YLPM1: variants seen among roughly 807,000 people sequenced by gnomAD.
YLPM1 encodes YLP motif-containing protein 1.
YLPM1 carries 99 observed loss-of-function variants against 230.0 expected under a neutral mutation model. The ratio of observed to expected loss-of-function variants is 0.43; its 90% confidence interval spans 0.37 to 0.51. The LOEUF is 0.51. YLPM1 is among the 20% of genes least tolerant of loss of function. The pLI is 0.00. For missense variants in YLPM1, 2,592 were observed against 2,707.7 expected (o/e 0.96, Z 0.95); for synonymous variants, 984 against 942.5 (o/e 1.04, Z -0.81).
chr14:74,820,499 CA>C (rs2091512525), intron 16 of YLPM1, among the ~76,000 whole-genome samples: 1 of 152,096 alleles, frequency 6.6e-6, no homozygotes, highest in Non-Finnish European at 1.5e-5. Context: ...CCTCCTGCCC[CA>C]ACCTCACAAA....
At chr14:74,779,658 T>C (rs1049515252) in intron 2 of YLPM1, among the ~76,000 whole-genome samples, 45 of 131,694 alleles carry the variant, frequency 3.4e-4, no homozygotes, top group South Asian at 4.9e-4. Context: ...TTTTTTTTTT[T>C]CCAGACAGGG....
In YLPM1 at chr14:74,810,561, A is replaced by G. The variant is rs1290800690; in HGVS notation, c.5228+141A>G. 3 of 845,372 alleles carry G rather than the reference A, an allele frequency of 3.5e-6. No individual in the cohort carries two copies. In the African/African-American group the frequency reaches 5.1e-5, roughly 14 times the overall value. The allele number at this position is 845,372 out of a possible 1,614,324, so 52.4% of individuals were successfully genotyped here. A position where few individuals can be genotyped will look rare whatever the true frequency, so the allele number is the denominator to read the frequency against. ...GGAGGGGGAAGAACAATTCTGGACC[A>G]GTTTTCAGGAAAGTAGGTCCTTGAC... On this transcript the variant is annotated intron_variant, in intron 9 of 20. Transcript: ENST00000325680.
At chr14:74,808,600 C>A (rs772606387) in intron 6 of YLPM1, among the ~76,000 whole-genome samples, 22 of 152,042 alleles carry the variant, frequency 1.4e-4, no homozygotes, top group Non-Finnish European at 2.6e-4. Context: ...GTCAGGAGTT[C>A]GAGACCAGCC....
chr14:74,772,107 ACACT>A (rs2090982262), intron 1 of YLPM1, among the ~76,000 whole-genome samples: 2 of 152,094 alleles, frequency 1.3e-5, no homozygotes, highest in South Asian at 4.1e-4. Flanking sequence ...TTACACACAA[ACACT>A]CACCTCCTTT....
At chr14:74,786,038 G>A (rs1479146015) in intron 4 of YLPM1, among the ~76,000 whole-genome samples, 1 of 151,912 alleles carries the variant, frequency 6.6e-6, no homozygotes, top group Admixed American at 6.6e-5. Flanking sequence ...ACAATTTTAA[G>A]TGTTCAGCTT....
Position 74,763,386 on chromosome 14 carries a change from G to A in YLPM1, c.-104G>A. ...GCTCCGTTTACACGCTCCGGGGCCTGTAGGCGCCGCGAGTTCCGGCTGTCG... is the reference window on the plus strand; with the variant it reads ...GCTCCGTTTACACGCTCCGGGGCCTATAGGCGCCGCGAGTTCCGGCTGTCG... On this transcript the variant is annotated 5_prime_UTR_variant, in exon 1 of 21. Transcript: ENST00000325680. 7.4e-7 allele frequency: 1 copy of A among 1,351,878 alleles called. No homozygotes were observed. Among genetic ancestry groups the A allele is most frequent in the Non-Finnish European group, 9.6e-7 (1 of 1,038,176 alleles). The allele number at this position is 1,351,878 out of a possible 1,614,324, so 83.7% of individuals were successfully genotyped here.
At position 74,763,959 on chromosome 14, in the gene YLPM1, A is replaced by G. The variant is rs199939020; in HGVS notation, c.470A>G (p.Tyr157Cys). The change falls in exon 1 of 21, where the codon TAT becomes TGT. Residue 157 changes from tyrosine (Y) to cysteine (C), a missense_variant. This residue lies in a region of YLPM1 where 1,862 missense variants were observed against 1,819.8 expected (regional missense o/e 1.02). Coordinates refer to ENST00000325680, the MANE Select transcript of YLPM1 (RefSeq NM_019589.3). ...TCTCCCCCTGTGCCGCCTGGGTCCT[A>G]TATGCCCCCATCTCAGTCTTACATG... ...PESPPVPPGS[Y>C]MPPSQSYMPP... 6.4e-4 allele frequency: 800 copies of G among 1,240,514 alleles called. 1 individual carries two copies. The highest frequency in any genetic ancestry group is 7.8e-4 in the Non-Finnish European group (747 of 956,428). The allele number at this position is 1,240,514 out of a possible 1,614,324, so 76.8% of individuals were successfully genotyped here.
At chr14:74,772,653 A>G (rs569865251) in intron 1 of YLPM1, among the ~76,000 whole-genome samples, 1 of 152,118 alleles carries the variant, frequency 6.6e-6, no homozygotes, top group East Asian at 1.9e-4. Context: ...CACCGCACCC[A>G]GCCAATAGTT....
Position 74,780,548 on chromosome 14 carries a change from G to C in YLPM1, c.1254G>C (p.Gln418His). Residue 418 changes from glutamine (Q) to histidine (H), a missense_variant, in exon 3 of 21, where the codon CAG (glutamine) becomes CAC (histidine). Physicochemically the swap from Gln to His is conservative, Grantham distance 24 (BLOSUM62 0). Transcript: ENST00000325680. ...CTCAGTTACAGCAGATTCTACAACA[G>C]TATCAGCAGATTATACAGCCCCCAC... ...KHTQLQQILQ[Q>H]YQQIIQPPPH... 1 of 1,613,896 alleles carries C rather than the reference G, an allele frequency of 6.2e-7. No homozygotes were observed.
At position 74,763,886 on chromosome 14, in the gene YLPM1, G is replaced by C; in HGVS notation, c.397G>C (p.Asp133His). ...YKHQMLHHQR[D>H]GPPGLVPMEL... ...ACACCAGATGCTCCACCACCAACGA[G>C]ACGGGCCTCCTGGTTTGGTTCCAAT... The change falls in exon 1 of 21, where the codon GAC becomes CAC. Residue 133 changes from aspartate to histidine, a missense_variant. Asp to His is a moderately conservative substitution (Grantham distance 81). This residue lies in a region of YLPM1 where 1,862 missense variants were observed against 1,819.8 expected (regional missense o/e 1.02). Coordinates refer to ENST00000325680, the MANE Select transcript of YLPM1 (RefSeq NM_019589.3). 6.4e-7 allele frequency: 1 copy of C among 1,551,480 alleles called. No homozygotes were observed.
chr14:74,777,673 G>A (rs2091055553), intron 1 of YLPM1, among the ~76,000 whole-genome samples: 2 of 150,858 alleles, frequency 1.3e-5, no homozygotes, highest in African/African-American at 4.9e-5. Flanking sequence ...TGCTACAACA[G>A]GTGTTTCAAA....
In YLPM1 at chr14:74,806,271, C is replaced by T. The variant is rs189766204; in HGVS notation, c.4522-3109C>T. Among the ~76,000 whole-genome samples the T allele has an allele frequency of 1.1e-3, 160 of 151,794 alleles. 2 individuals carry two copies. Among genetic ancestry groups the T allele is most frequent in the Non-Finnish European group, 1.5e-4 (10 of 67,874 alleles). On this transcript the variant is annotated intron_variant, in intron 6 of 20. Coordinates refer to ENST00000325680, the MANE Select transcript of YLPM1 (RefSeq NM_019589.3). ...ACAGGTGAGGCTGAGGCAGGAGAAT[C>T]GCTTGAACCTGGGAGGCAGAGGTTG...
intron 6 of YLPM1, among the ~76,000 whole-genome samples, chr14:74,803,750 A>C (rs1481356940): frequency 6.6e-6 from 1 of 152,072 alleles, no homozygotes; most frequent in African/African-American, 2.4e-5. Context: ...CATCTTGCTG[A>C]TTTGTCCTAC....
At position 74,812,741 on chromosome 14, in the gene YLPM1, G is replaced by A. The variant is rs377151950; in HGVS notation, c.5461G>A (p.Asp1821Asn). 5 of 1,613,484 alleles carry A rather than the reference G, an allele frequency of 3.1e-6. No homozygotes were observed. Among genetic ancestry groups the A allele is most frequent in the African/African-American group, 2.7e-5 (2 of 74,904 alleles). Reference sequence around the variant, plus strand: ...GAAGCCTGAATCAAAGAATGTGGACGATATTTTGAAACCACCGGGCCGGGA... The same window carrying A: ...GAAGCCTGAATCAAAGAATGTGGACAATATTTTGAAACCACCGGGCCGGGA... ...EKKPESKNVD[D>N]ILKPPGRESR... Residue 1821 changes from aspartate to asparagine, a missense_variant, in exon 11 of 21, where the codon GAT becomes AAT. Physicochemically the swap from Asp to Asn is conservative, Grantham distance 23 (BLOSUM62 1). Transcript: ENST00000325680.
At chr14:74,800,744 C>G (rs1231693958) in intron 5 of YLPM1, among the ~76,000 whole-genome samples, 1 of 152,152 alleles carries the variant, frequency 6.6e-6, no homozygotes, top group African/African-American at 2.4e-5. Flanking sequence ...CCAGATTACT[C>G]ATGAAGAAAA....
At chr14:74,802,316 A>G (rs2091335429) in intron 5 of YLPM1, among the ~76,000 whole-genome samples, 1 of 152,126 alleles carries the variant, frequency 6.6e-6, no homozygotes, top group Non-Finnish European at 1.5e-5. Context: ...GGCAGGTTGT[A>G]GAATCTATTC....
chr14:74,765,050 C>G (rs1331069593), intron 1 of YLPM1, among the ~76,000 whole-genome samples: 1 of 152,172 alleles, frequency 6.6e-6, no homozygotes, highest in African/African-American at 2.4e-5. Flanking sequence ...TTCTGCGTTT[C>G]ATTGTCATTA....
rs766026422 is a variant in YLPM1 at position 74,798,423 on chromosome 14, C to T, written c.3126C>T (p.Gly1042=). ...AAGGTCTAGTAAACAGAGGTCGCGG[C>T]CAGGCAATCAGTCGAGGCCCAGGAT... ...RDKGLVNRGR[G]QAISRGPGLV... is the part of the protein sequence containing the mutation. Residue 1042 remains glycine (G), a synonymous_variant, in exon 5 of 21, where the codon GGC becomes GGT. Coordinates refer to ENST00000325680, the MANE Select transcript of YLPM1 (RefSeq NM_019589.3). The T allele has an allele frequency of 8.1e-6, 13 of 1,613,788 alleles. No homozygotes were observed. The African/African-American group carries it at 1.7e-4, about 22-fold the overall frequency.
At chr14:74,803,099 A>C (rs1475709338) in intron 6 of YLPM1, among the ~76,000 whole-genome samples, 2 of 146,748 alleles carry the variant, frequency 1.4e-5, no homozygotes, top group Non-Finnish European at 3.0e-5. Flanking sequence ...ATCTCTACCA[A>C]AAAAAAAAAA....
Sources: allele counts gnomAD v4.1 joint callset (sites outside exome capture counted in the v4.1 genomes callset), GRCh38; gene constraint gnomAD v4.1.1; regional missense constraint gnomAD v4.1.1; transcripts MANE v1.5; gene names NCBI Gene and HGNC (gene_info 2026-07-23, HGNC 2026-07-21).